The following CRPPA variants were observed in gnomAD, a reference collection of about 807,000 sequenced individuals.
CRPPA encodes the protein CDP-L-ribitol pyrophosphorylase A, also known as D-ribitol-5-phosphate cytidylyltransferase.
A neutral mutation model predicts 52.0 loss-of-function variants in CRPPA; 43 were observed. The ratio of observed to expected loss-of-function variants is 0.83; its 90% CI spans 0.65 to 1.07. CRPPA has a LOEUF of 1.07. Ranked by LOEUF, CRPPA falls within the 50% of genes least tolerant of loss-of-function variation. The pLI is 0.00. For synonymous variants in CRPPA, 250 were observed against 203.5 expected (o/e 1.23, Z -1.94); for missense variants, 629 against 551.7 (o/e 1.14, Z -1.40).
chr7:16,195,970 T>C (rs1409541311), intron 9 of CRPPA, among the ~76,000 whole-genome samples: 1 of 152,068 alleles, frequency 6.6e-6, no homozygotes, highest in Non-Finnish European at 1.5e-5. Context: ...GATGGGACCA[T>C]AAAATAATCT....
At chr7:16,396,022 G>C (rs762276131) in intron 2 of CRPPA, among the ~76,000 whole-genome samples, 1 of 152,206 alleles carries the variant, frequency 6.6e-6, no homozygotes, top group East Asian at 1.9e-4. Context: ...ACCCTTTGTC[G>C]AAATAAACCT....
intron 3 of CRPPA, among the ~76,000 whole-genome samples, chr7:16,367,924 T>C (rs983062013): frequency 1.3e-5 from 2 of 152,148 alleles, no homozygotes; most frequent in Admixed American, 6.5e-5. Flanking sequence ...AGGTACATAA[T>C]TAACACCCCA....
intron 3 of CRPPA, among the ~76,000 whole-genome samples, chr7:16,313,730 G>A (rs558660331): frequency 2.0e-5 from 3 of 151,572 alleles, no homozygotes; most frequent in African/African-American, 4.8e-5. Flanking sequence ...ATTTTATTTC[G>A]TTCAAAATAT....
chr7:16,102,812 C>T (rs561428847), intron 9 of CRPPA, among the ~76,000 whole-genome samples: 7 of 152,126 alleles, frequency 4.6e-5, no homozygotes, highest in Non-Finnish European at 8.8e-5. Flanking sequence ...ACAACAGATG[C>T]TGGAGAGGAT....
chr7:16,220,843 C>G (rs1026690866), intron 8 of CRPPA, among the ~76,000 whole-genome samples: 3 of 152,080 alleles, frequency 2.0e-5, no homozygotes, highest in Non-Finnish European at 2.9e-5. Flanking sequence ...TAGGAAGAAT[C>G]AAAATCGTGA....
chr7:16,118,175 G>C (rs1311258754), intron 9 of CRPPA, among the ~76,000 whole-genome samples: 1 of 152,170 alleles, frequency 6.6e-6, no homozygotes, highest in Non-Finnish European at 1.5e-5. Flanking sequence ...TCATGAATTG[G>C]TCTCTGAATC....
intron 2 of CRPPA, among the ~76,000 whole-genome samples, chr7:16,389,928 A>AATAT (rs1202579530): frequency 0.011 from 333 of 29,720 alleles, 1 homozygote; most frequent in Non-Finnish European, 0.013. Context: ...AAAAAAAAAA[A>AATAT]ATATATATAT....
chr7:16,216,860 G>C (rs1281188439), intron 8 of CRPPA, among the ~76,000 whole-genome samples: 2 of 152,180 alleles, frequency 1.3e-5, no homozygotes, highest in African/African-American at 4.8e-5. Context: ...AGCGAGGCCG[G>C]GGGAGGGGCG....
chr7:16,139,747 G>C (rs1345596586), intron 9 of CRPPA, among the ~76,000 whole-genome samples: 3 of 152,102 alleles, frequency 2.0e-5, no homozygotes, highest in Non-Finnish European at 2.9e-5. Context: ...GAAAGGAAAA[G>C]AAATGTGTCT....
chr7:16,185,956 C>T (rs1781497172), intron 9 of CRPPA, among the ~76,000 whole-genome samples: 1 of 152,146 alleles, frequency 6.6e-6, no homozygotes, highest in East Asian at 1.9e-4. Flanking sequence ...TACATATTCA[C>T]ACATCTTAAT....
intron 8 of CRPPA, among the ~76,000 whole-genome samples, chr7:16,229,621 T>G (rs1315415962): frequency 1.3e-5 from 2 of 152,146 alleles, no homozygotes; most frequent in East Asian, 3.8e-4. Flanking sequence ...TTTGTTACTA[T>G]TTTTAATAGG....
intron 2 of CRPPA, among the ~76,000 whole-genome samples, chr7:16,396,654 C>T (rs1787580332): frequency 6.6e-6 from 1 of 152,178 alleles, no homozygotes; most frequent in African/African-American, 2.4e-5. Flanking sequence ...CTTGCAACTG[C>T]AAAAACATGG....
At chr7:16,244,203 T>A (rs1562581176) in intron 8 of CRPPA, among the ~76,000 whole-genome samples, 1 of 152,178 alleles carries the variant, frequency 6.6e-6, no homozygotes, top group East Asian at 1.9e-4. Flanking sequence ...AATAGTAGCC[T>A]CTTACTAGTG....
chr7:16,208,150 C>T (rs551786512), intron 9 of CRPPA, among the ~76,000 whole-genome samples: 2 of 152,160 alleles, frequency 1.3e-5, no homozygotes, highest in African/African-American at 2.4e-5. Flanking sequence ...ACCTATGCAC[C>T]CCCATTAATA....
chr7:16,124,124 T>TTTG (rs1782530567), intron 9 of CRPPA, among the ~76,000 whole-genome samples: 1 of 151,222 alleles, frequency 6.6e-6, no homozygotes, highest in Non-Finnish European at 1.5e-5. Context: ...TATTTTTTTT[T>TTTG]TGAGGAACCT....
In CRPPA at chr7:16,191,561, G is replaced by C. The variant is rs539333203; in HGVS notation, c.1251+24505C>G. Among the ~76,000 whole-genome samples, 19 of 152,168 alleles carry C rather than the reference G, an allele frequency of 1.2e-4. No homozygotes were observed. In the East Asian group the frequency reaches 2.7e-3, roughly 22 times the overall value. On this transcript the variant is annotated intron_variant, in intron 9 of 9. Transcript: ENST00000407010. ...TGTTTTTACTGTTGTAGCTCCGAAG[G>C]ATAGCACAGTGCTTGCACAGAGTGC...
intron 9 of CRPPA, among the ~76,000 whole-genome samples, chr7:16,157,372 A>G (rs1783204879): frequency 6.6e-6 from 1 of 152,168 alleles, no homozygotes; most frequent in Non-Finnish European, 1.5e-5. Context: ...GTCCGTATTG[A>G]TTAGGATAAA....
Position 16,162,476 on chromosome 7 carries a change from G to A in CRPPA, c.1251+53590C>T, listed in dbSNP as rs150323964. Among the ~76,000 whole-genome samples, 848 of 152,268 alleles carry A rather than the reference G, an allele frequency of 5.6e-3. 7 individuals are homozygous for A. Among genetic ancestry groups the A allele is most frequent in the African/African-American group, 0.019 (790 of 41,556 alleles). ...GAGCAGGTTGTTCAGTTTCCACGTA[G>A]TTGTGTGGTTTTGAGTGAGTTTCTT... On this transcript the variant is annotated intron_variant, in intron 9 of 9. Transcript: ENST00000407010.
chr7:16,091,669 A>G lies in CRPPA; in HGVS notation c.*26T>C, dbSNP rs1269327450. 3.0e-6 allele frequency: 4 copies of G among 1,312,926 alleles called. No homozygotes were observed. The highest frequency in any genetic ancestry group is 4.3e-6 in the Non-Finnish European group (4 of 934,128). The allele number at this position is 1,312,926 out of a possible 1,614,324, so 81.3% of individuals were successfully genotyped here. A position where few individuals can be genotyped will look rare whatever the true frequency, so the allele number is the denominator to read the frequency against. On this transcript the variant is annotated 3_prime_UTR_variant, in exon 10 of 10. Coordinates refer to ENST00000407010, the MANE Select transcript of CRPPA (RefSeq NM_001101426.4). ...ATTAAGATACGCAAATAGATGTTTT[A>G]GAAAATAGGTAATTTTTTGTGTTCT...
Sources: gnomAD v4.1 joint callset for allele counts (sites outside exome capture counted in the v4.1 genomes callset) on GRCh38, gnomAD v4.1.1 for gene constraint, MANE v1.5 for transcripts, NCBI Gene and HGNC (gene_info 2026-07-23, HGNC 2026-07-21) for gene names.